The following INSR variants were observed in gnomAD, a reference collection of about 807,000 sequenced individuals.
The protein encoded by INSR is IR.
INSR carries 67 observed loss-of-function variants against 142.6 expected under a neutral mutation model. That is an observed-to-expected ratio of 0.47 (90% CI 0.39 to 0.58). INSR has a LOEUF of 0.58. Among genes scored for constraint, INSR ranks in the 20% least tolerant of loss-of-function variants. The pLI is 0.00. For missense variants in INSR, 1,248 were observed against 1,833.2 expected (o/e 0.68, Z 5.83); for synonymous variants, 756 against 743.1 (o/e 1.02, Z -0.28).
At position 7,225,392 on chromosome 19, in the gene INSR, C is replaced by T. The variant is rs1311910813; in HGVS notation, c.653-40755G>A. Reference sequence around the variant, plus strand: ...GCTTGAGTGCCTGACCCGCCACCCCCGCCCCACCACCAAGCCAAAATGCTT... The same window carrying T: ...GCTTGAGTGCCTGACCCGCCACCCCTGCCCCACCACCAAGCCAAAATGCTT... On this transcript the variant is annotated intron_variant, in intron 2 of 21. Coordinates refer to ENST00000302850, the MANE Select transcript of INSR (RefSeq NM_000208.4). The surrounding 1 kb of genome is among the most constrained non-coding windows in gnomAD (Gnocchi z 4.7). Among the ~76,000 whole-genome samples the T allele has an allele frequency of 2.0e-5, 3 of 151,990 alleles. No homozygotes were observed. The highest frequency in any genetic ancestry group is 2.9e-5 in the Non-Finnish European group (2 of 68,020).
chr19:7,120,957 G>A (rs1303689099), intron 19 of INSR, among the ~76,000 whole-genome samples: 2 of 152,078 alleles, frequency 1.3e-5, no homozygotes, highest in Non-Finnish European at 2.9e-5. Context: ...CTGTTTAAAG[G>A]GAGGGAAAAG....
chr19:7,223,352 T>C (rs1031892031), intron 2 of INSR, among the ~76,000 whole-genome samples: 8 of 152,078 alleles, frequency 5.3e-5, no homozygotes, highest in African/African-American at 1.9e-4. Flanking sequence ...CAAGGGAGCA[T>C]TTTTGGAGGT....
chr19:7,287,046 TGCTGTGTTGTCCAG>T (rs1968361989), intron 1 of INSR, among the ~76,000 whole-genome samples: 1 of 151,698 alleles, frequency 6.6e-6, no homozygotes, highest in Admixed American at 6.6e-5. Context: ...GACAGGGTCT[TGCTGTGTTGTCCAG>T]GCTGATCTGA....
At chr19:7,219,508 GGAACGAAGGAAA>G (rs1379074665) in intron 2 of INSR, among the ~76,000 whole-genome samples, 481 of 119,718 alleles carry the variant, frequency 4.0e-3, no homozygotes, top group Middle Eastern at 4.9e-3. Context: ...AGGGAGGGAG[GGAACGAAGGAAA>G]GAAGGAAGGA....
At chr19:7,232,875 T>G (rs1257922720) in intron 2 of INSR, among the ~76,000 whole-genome samples, 1 of 152,120 alleles carries the variant, frequency 6.6e-6, no homozygotes, top group African/African-American at 2.4e-5. Context: ...TAGGTCACAA[T>G]GTACAGCTGC....
In INSR at chr19:7,228,123, C is replaced by T. The variant is rs183442231; in HGVS notation, c.652+39222G>A. Among the ~76,000 whole-genome samples the T allele has an allele frequency of 1.6e-4, 25 of 152,252 alleles. No homozygotes were observed. The East Asian group carries it at 2.5e-3, about 15-fold the overall frequency. ...ACTGTGGTACAGGGTGGTTCTGAAA[C>T]GCACCCTAACTTTAGTGATGACACA... is the stretch of plus-strand genomic sequence containing the variant. On this transcript the variant is annotated intron_variant, in intron 2 of 21. Coordinates refer to ENST00000302850, the MANE Select transcript of INSR (RefSeq NM_000208.4).
intron 1 of INSR, chr19:7,268,423 T>A: frequency 1.0e-6 from 1 of 985,170 alleles, no homozygotes; most frequent in Non-Finnish European, 1.2e-6. Context: ...CTGGGTGTGG[T>A]GAGGGCTTCC....
intron 3 of INSR, among the ~76,000 whole-genome samples, chr19:7,176,395 G>A (rs1568465368): frequency 6.6e-6 from 1 of 152,212 alleles, no homozygotes; most frequent in African/African-American, 2.4e-5. Flanking sequence ...CAGGCCAGGA[G>A]TTCGAGACCA....
intron 15 of INSR, 23 bp from the exon 16 acceptor site, chr19:7,126,674 G>A (rs373212938): frequency 9.6e-5 from 150 of 1,555,498 alleles, no homozygotes; most frequent in Non-Finnish European, 2.4e-5. Context: ...AACGAGGCAC[G>A]TTAGCTTGAG....
At position 7,120,789 on chromosome 19, in the gene INSR, C is replaced by G. The variant is rs373534538; in HGVS notation, c.3530-40G>C. On this transcript the variant is annotated intron_variant, in intron 19 of 21. Transcript: ENST00000302850. ...GGTTCACACGCTCTTAACCTTCAGCCTTGGTCCTAGCATCTGCCACCTTGA... is the reference window on the plus strand; with the variant it reads ...GGTTCACACGCTCTTAACCTTCAGCGTTGGTCCTAGCATCTGCCACCTTGA... 6.8e-6 allele frequency: 11 copies of G among 1,608,950 alleles called. No homozygotes were observed. In the African/African-American group the frequency reaches 1.5e-4, roughly 22 times the overall value.
At chr19:7,189,654 T>C (rs969207624) in intron 2 of INSR, among the ~76,000 whole-genome samples, 5 of 151,036 alleles carry the variant, frequency 3.3e-5, no homozygotes, top group African/African-American at 1.2e-4. Context: ...TGTAATTGAT[T>C]TTACTATTAC....
intron 2 of INSR, among the ~76,000 whole-genome samples, chr19:7,208,430 A>T (rs868690486): frequency 2.0e-5 from 3 of 152,222 alleles, no homozygotes; most frequent in African/African-American, 7.2e-5. Context: ...ACCGGAAAAA[A>T]AAAATCCCTG....
rs1410061846 is a variant in INSR at position 7,267,709 on chromosome 19, G to C, written c.288C>G (p.Leu96=). Residue 96 remains leucine (L), a synonymous_variant, in exon 2 of 22, where the codon CTC becomes CTG. Coordinates refer to ENST00000302850, the MANE Select transcript of INSR (RefSeq NM_000208.4). This position sits in a 1 kb window ranked among gnomAD's most constrained non-coding sequence, Gnocchi z 6.3. ...TGGGGAACAGGTCCTTCAGGCTCTC[G>C]AGCCCATAGACCCGGAAGAGCAGCA... ...DYLLLFRVYG[L]ESLKDLFPNL... 6.2e-7 allele frequency: 1 copy of C among 1,613,936 alleles called. No individual in the cohort carries two copies. Among genetic ancestry groups the C allele is most frequent in the Non-Finnish European group, 8.5e-7 (1 of 1,180,020 alleles).
chr19:7,214,423 ATTAAAGT>A (rs984896500), intron 2 of INSR, among the ~76,000 whole-genome samples: 3 of 152,210 alleles, frequency 2.0e-5, no homozygotes, highest in Non-Finnish European at 4.4e-5. Flanking sequence ...AGATGTTAGC[ATTAAAGT>A]TAAAAGTTAA....
At chr19:7,219,347 C>T (rs1975528167) in intron 2 of INSR, among the ~76,000 whole-genome samples, 1 of 152,126 alleles carries the variant, frequency 6.6e-6, no homozygotes, top group Non-Finnish European at 1.5e-5. Context: ...TGGAGGGGAG[C>T]TCTGCAGCTC....
chr19:7,285,084 A>G (rs909839992), intron 1 of INSR, among the ~76,000 whole-genome samples: 4 of 151,974 alleles, frequency 2.6e-5, no homozygotes, highest in Non-Finnish European at 4.4e-5. Context: ...GGAAGTCAAG[A>G]TGGGAGGATC....
chr19:7,202,830 G>T (rs566565259), intron 2 of INSR, among the ~76,000 whole-genome samples: 24 of 151,912 alleles, frequency 1.6e-4, no homozygotes, highest in African/African-American at 4.8e-4. Flanking sequence ...TTGTTTTTTT[G>T]GTTTTCATTT....
At chr19:7,274,016 T>A (rs891863222) in intron 1 of INSR, among the ~76,000 whole-genome samples, 11 of 151,816 alleles carry the variant, frequency 7.2e-5, no homozygotes, top group African/African-American at 2.7e-4. Context: ...AAATAAATAA[T>A]TCCCACATAT....
chr19:7,146,640 A>G (rs137968096), intron 11 of INSR, among the ~76,000 whole-genome samples: 3 of 152,204 alleles, frequency 2.0e-5, no homozygotes, highest in Non-Finnish European at 4.4e-5. Context: ...TTTCTATTAT[A>G]GGAAATAGTT....
Sources: allele counts gnomAD v4.1 joint callset (sites outside exome capture counted in the v4.1 genomes callset), GRCh38; gene constraint gnomAD v4.1.1; non-coding constraint Gnocchi (gnomAD v3.1); transcripts MANE v1.5; gene names NCBI Gene and HGNC (gene_info 2026-07-23, HGNC 2026-07-21).